CALCR: variants seen among roughly 807,000 people sequenced by gnomAD.
The protein encoded by CALCR is calcitonin receptor.
In CALCR, 47 loss-of-function variants were observed where a neutral mutation model predicts 59.5. That is an observed-to-expected ratio of 0.79 (90% CI 0.63 to 1.01). CALCR has a LOEUF of 1.01. Ranked by LOEUF, CALCR falls within the 50% of genes least tolerant of loss-of-function variation. The pLI is 0.00. For synonymous variants in CALCR, 213 were observed against 211.3 expected, an observed-to-expected ratio of 1.01 and a Z score of -0.07; for missense variants, 566 against 597.1, an observed-to-expected ratio of 0.95 and a Z score of 0.54.
At chr7:93,466,273 TGTAGA>T (rs1223126109) in intron 7 of CALCR, among the ~76,000 whole-genome samples, 1 of 151,906 alleles carries the variant, frequency 6.6e-6, no homozygotes, top group Non-Finnish European at 1.5e-5. Context: ...GTGATGGTGA[TGTAGA>T]GTATTTGAAA....
chr7:93,461,055 A>G (rs1800325908), intron 7 of CALCR, 108 bp from the exon 8 acceptor site: 3 of 905,640 alleles, frequency 3.3e-6, no homozygotes, highest in Non-Finnish European at 5.0e-6. Context: ...AAAAGATGAA[A>G]GAACATATAG....
intron 6 of CALCR, among the ~76,000 whole-genome samples, chr7:93,470,133 A>G (rs983191080): frequency 1.3e-5 from 2 of 151,664 alleles, no homozygotes; most frequent in Non-Finnish European, 2.9e-5. Context: ...TTCATTGTTG[A>G]TACCACTCTC....
In CALCR at chr7:93,479,505, G is replaced by A. The variant is rs1211739016; in HGVS notation, c.54C>T (p.His18=). Residue 18 remains histidine (H), a splice_region_variant and synonymous_variant, in exon 4 of 14, where the codon CAC becomes CAT. Transcript: ENST00000426151. ...AAAAGGCAGGAAGAATTGGGGTTGG[G>A]TGCTGTATTAAAAAGAAAAATCAGT... The part of the protein sequence containing the change: ...RCLALFLLLN[H]PTPILPAFSN... 10 of 1,611,040 alleles carry A rather than the reference G, an allele frequency of 6.2e-6. No individual in the cohort carries two copies. In the South Asian group the frequency reaches 8.8e-5, roughly 14 times the overall value.
At chr7:93,443,553 A>C in intron 9 of CALCR, 51 bp downstream of exon 9, 2 of 1,557,458 alleles carry the variant, frequency 1.3e-6, no homozygotes, top group Non-Finnish European at 8.8e-7. Flanking sequence ...GACTGAAAGC[A>C]TACAGACAGA....
intron 2 of CALCR, among the ~76,000 whole-genome samples, chr7:93,558,819 A>AG (rs1331677454): frequency 1.3e-5 from 2 of 152,068 alleles, no homozygotes; most frequent in African/African-American, 4.8e-5. Context: ...ATCCCGGGGA[A>AG]GGAATGCGAG....
intron 12 of CALCR, 54 bp from the exon 13 acceptor site, chr7:93,434,348 T>C: frequency 7.7e-7 from 1 of 1,305,786 alleles, no homozygotes; most frequent in Non-Finnish European, 1.1e-6. Context: ...CATTATGTTG[T>C]TTAGTAAACA....
Position 93,495,424 on chromosome 7 carries a change from T to C in CALCR, c.-26-8417A>G, listed in dbSNP as rs558678173. On this transcript the variant is annotated intron_variant, in intron 2 of 13. Coordinates refer to ENST00000426151, the MANE Select transcript of CALCR (RefSeq NM_001742.4). ...AATGTTGGTTGCTTGGTTTAAGGGA[T>C]AATTTAGGGACAGAACCTAAGGAAT... Among the ~76,000 whole-genome samples the C allele has an allele frequency of 1.9e-4, 29 of 151,508 alleles. No homozygotes were observed. The South Asian group carries it at 3.9e-3, about 21-fold the overall frequency.
intron 2 of CALCR, among the ~76,000 whole-genome samples, chr7:93,509,028 T>A (rs1801487631): frequency 6.6e-6 from 1 of 152,096 alleles, no homozygotes; most frequent in Non-Finnish European, 1.5e-5. Context: ...GCTTATAAGA[T>A]GAAATGGACA....
chr7:93,557,149 T>C (rs1282426261), intron 2 of CALCR, among the ~76,000 whole-genome samples: 1 of 152,132 alleles, frequency 6.6e-6, no homozygotes, highest in East Asian at 1.9e-4. Flanking sequence ...TGAATTTGAA[T>C]CCCAGTTTTG....
intron 2 of CALCR, among the ~76,000 whole-genome samples, chr7:93,549,205 AT>A (rs1789384220): frequency 6.6e-6 from 1 of 152,114 alleles, no homozygotes; most frequent in South Asian, 2.1e-4. Flanking sequence ...ATCACCATTT[AT>A]TATTTTAGCT....
intron 2 of CALCR, among the ~76,000 whole-genome samples, chr7:93,519,887 T>A (rs1193486775): frequency 6.6e-6 from 1 of 152,038 alleles, no homozygotes; most frequent in Non-Finnish European, 1.5e-5. Context: ...TGACTATGAA[T>A]GTAGGTTTCC....
chr7:93,460,969 A>G (rs1330659355), intron 7 of CALCR, 22 bp from the exon 8 acceptor site: 1 of 1,583,058 alleles, frequency 6.3e-7, no homozygotes, highest in Admixed American at 1.9e-5. Context: ...AGTAACATAA[A>G]GCATTAACCA....
intron 2 of CALCR, among the ~76,000 whole-genome samples, chr7:93,533,167 T>C (rs920631713): frequency 2.6e-5 from 4 of 152,006 alleles, no homozygotes; most frequent in African/African-American, 7.2e-5. Flanking sequence ...AAATATGTAA[T>C]AATGGTTTCG....
intron 4 of CALCR, among the ~76,000 whole-genome samples, chr7:93,479,000 G>C (rs1800733248): frequency 6.6e-6 from 1 of 151,824 alleles, no homozygotes; most frequent in Non-Finnish European, 1.5e-5. Flanking sequence ...GGGTTTGATA[G>C]GGTCCACCTC....
At chr7:93,556,010 T>C (rs1789596081) in intron 2 of CALCR, among the ~76,000 whole-genome samples, 1 of 152,212 alleles carries the variant, frequency 6.6e-6, no homozygotes, top group African/African-American at 2.4e-5. Context: ...TTTCACACTG[T>C]AGGGCTTCCC....
In CALCR at chr7:93,452,861, G is replaced by A. The variant is rs1800138193; in HGVS notation, c.648+7960C>T. 2.0e-5 allele frequency among the ~76,000 whole-genome samples: 3 copies of A among 151,844 alleles called. No homozygotes were observed. The South Asian group carries it at 6.2e-4, about 32-fold the overall frequency. ...ACAACAACAACAACAACAAAGAAAT[G>A]TGATAGGGGAATAAAAGTTAACCAC... On this transcript the variant is annotated intron_variant, in intron 8 of 13. Transcript: ENST00000426151.
Position 93,424,887 on chromosome 7 carries a change from A to G in CALCR, c.*1469T>C, listed in dbSNP as rs1010164826. The G allele has an allele frequency of 6.5e-6, 1 of 152,734 alleles. No individual in the cohort carries two copies. Among genetic ancestry groups the G allele is most frequent in the Non-Finnish European group, 1.5e-5 (1 of 68,002 alleles). The allele number at this position is 152,734 out of a possible 1,614,324, so 9.5% of individuals were successfully genotyped here. A position where few individuals can be genotyped will look rare whatever the true frequency, so the allele number is the denominator to read the frequency against. On this transcript the variant is annotated 3_prime_UTR_variant, in exon 14 of 14. Coordinates refer to ENST00000426151, the MANE Select transcript of CALCR (RefSeq NM_001742.4). ...TCATTTTCTCTGTAGAAATATAATT[A>G]ATTTTCTCTGGGTGCGCTAAATATG... is the stretch of plus-strand genomic sequence containing the variant.
chr7:93,457,410 T>C (rs1419355167), intron 8 of CALCR, among the ~76,000 whole-genome samples: 1 of 152,150 alleles, frequency 6.6e-6, no homozygotes, highest in African/African-American at 2.4e-5. Flanking sequence ...ATTTTGACTA[T>C]TTCAGGAAGA....
chr7:93,428,280 T>G (rs1256694201), intron 13 of CALCR, among the ~76,000 whole-genome samples: 2 of 152,202 alleles, frequency 1.3e-5, no homozygotes, highest in East Asian at 3.9e-4. Flanking sequence ...GGCACTACTA[T>G]CTTCACTTTA....
Sources: allele counts gnomAD v4.1 joint callset (sites outside exome capture counted in the v4.1 genomes callset), GRCh38; gene constraint gnomAD v4.1.1; transcripts MANE v1.5; gene names NCBI Gene and HGNC (gene_info 2026-07-23, HGNC 2026-07-21).